The following GRIA2 variants were observed in gnomAD, a reference collection of about 807,000 sequenced individuals.
GRIA2 encodes the protein glutamate ionotropic receptor AMPA type subunit 2, also known as glutamate receptor 2.
In GRIA2, 14 loss-of-function variants were observed where a neutral mutation model predicts 97.3. The observed-to-expected ratio is 0.14, with a 90% CI of 0.10 to 0.23. The LOEUF (loss-of-function observed/expected upper bound fraction) is 0.23. Ranked by LOEUF, GRIA2 falls within the 10% of genes least tolerant of loss-of-function variation. The probability of loss-of-function intolerance (pLI) is 1.00; values close to 1 mark genes in which losing one functional copy is unlikely to be tolerated. For missense variants in GRIA2, 558 were observed against 1,069.8 expected, an observed-to-expected ratio of 0.52 and a Z score of 6.67; for synonymous variants, 412 against 387.8, an observed-to-expected ratio of 1.06 and a Z score of -0.73.
chr4:157,355,900 TAA>T (rs1342409475), intron 12 of GRIA2, among the ~76,000 whole-genome samples: 3 of 3,438 alleles, frequency 8.7e-4, no homozygotes, highest in Non-Finnish European at 1.5e-3. Context: ...TATTTATATA[TAA>T]ATATATATAT....
intron 2 of GRIA2, among the ~76,000 whole-genome samples, chr4:157,294,591 A>G (rs1034854421): frequency 1.3e-5 from 2 of 152,162 alleles, no homozygotes; most frequent in Non-Finnish European, 2.9e-5. Context: ...TAATCCTTGA[A>G]ATTTATTGTA....
At chr4:157,319,771 G>T (rs545134722) in intron 5 of GRIA2, among the ~76,000 whole-genome samples, 24 of 152,154 alleles carry the variant, frequency 1.6e-4, no homozygotes, top group African/African-American at 4.8e-4. Flanking sequence ...TAATATTATT[G>T]ATTAATTTCC....
Position 157,364,687 on chromosome 4 carries a change from A to T in GRIA2, c.*1256A>T, listed in dbSNP as rs2127008975. On this transcript the variant is annotated 3_prime_UTR_variant, in exon 16 of 16. Coordinates refer to ENST00000264426, the MANE Select transcript of GRIA2 (RefSeq NM_001083619.3). Reference sequence around the variant, plus strand: ...GATAGTTGCCCATTGATTAAATTCCAAAAACTAAATATGTTTTTAGCTTTA... The same window carrying T: ...GATAGTTGCCCATTGATTAAATTCCTAAAACTAAATATGTTTTTAGCTTTA... 6.6e-6 allele frequency: 1 copy of T among 152,278 alleles called. No homozygotes were observed. The highest frequency in any genetic ancestry group is 2.4e-5 in the African/African-American group (1 of 41,524). 9.4% of individuals were successfully genotyped at this position (152,278 alleles called of 1,614,324 possible).
At chr4:157,243,403 A>G (rs1431495994) in intron 2 of GRIA2, among the ~76,000 whole-genome samples, 1 of 152,114 alleles carries the variant, frequency 6.6e-6, no homozygotes, top group African/African-American at 2.4e-5. Flanking sequence ...TGGATTTGAA[A>G]GGATTTGGAT....
At chr4:157,297,707 G>T (rs1473294401) in intron 2 of GRIA2, among the ~76,000 whole-genome samples, 4 of 152,064 alleles carry the variant, frequency 2.6e-5, no homozygotes, top group African/African-American at 4.8e-5. Flanking sequence ...TAATCTCTCT[G>T]TGATATTTAA....
At chr4:157,356,813 A>G (rs1385586558) in intron 12 of GRIA2, among the ~76,000 whole-genome samples, 1 of 151,812 alleles carries the variant, frequency 6.6e-6, no homozygotes, top group Non-Finnish European at 1.5e-5. Flanking sequence ...GGATCCGATG[A>G]TTGTAGTGTG....
chr4:157,270,021 A>G (rs748806769), intron 2 of GRIA2, among the ~76,000 whole-genome samples: 1 of 152,096 alleles, frequency 6.6e-6, no homozygotes, highest in South Asian at 2.1e-4. Context: ...TTTTCCATTA[A>G]AAGTGACTTC....
intron 12 of GRIA2, among the ~76,000 whole-genome samples, chr4:157,344,533 A>C (rs1422113712): frequency 1.3e-5 from 2 of 152,076 alleles, no homozygotes; most frequent in East Asian, 1.9e-4. Flanking sequence ...TTACTTTTGG[A>C]GCCAAGACCT....
intron 2 of GRIA2, among the ~76,000 whole-genome samples, chr4:157,265,300 A>G (rs1731720269): frequency 6.6e-6 from 1 of 152,144 alleles, no homozygotes; most frequent in African/African-American, 2.4e-5. Flanking sequence ...ACTCTTACAT[A>G]ACAAACCAGC....
chr4:157,267,839 T>G (rs1293126157), intron 2 of GRIA2, among the ~76,000 whole-genome samples: 1 of 152,104 alleles, frequency 6.6e-6, no homozygotes, highest in Non-Finnish European at 1.5e-5. Context: ...GGACTGAAAT[T>G]GAAACAATCT....
chr4:157,315,765 T>G (rs1032604506), intron 4 of GRIA2, among the ~76,000 whole-genome samples: 1 of 152,138 alleles, frequency 6.6e-6, no homozygotes, highest in African/African-American at 2.4e-5. Context: ...GGTCTCGAAC[T>G]CCTGACCTCA....
intron 2 of GRIA2, among the ~76,000 whole-genome samples, chr4:157,238,191 AAAT>A (rs1288018472): frequency 6.6e-6 from 1 of 152,142 alleles, no homozygotes; most frequent in Non-Finnish European, 1.5e-5. Context: ...CTGGAATACT[AAAT>A]AAAATTCTAG....
At chr4:157,296,293 A>G (rs1031385427) in intron 2 of GRIA2, among the ~76,000 whole-genome samples, 2 of 152,138 alleles carry the variant, frequency 1.3e-5, no homozygotes, top group Admixed American at 6.6e-5. Flanking sequence ...AACAAAGGAT[A>G]AAAATATTGT....
chr4:157,344,751 T>G (rs1355904338), intron 12 of GRIA2, among the ~76,000 whole-genome samples: 1 of 152,084 alleles, frequency 6.6e-6, no homozygotes, highest in Admixed American at 6.6e-5. Context: ...AAGTCAACGG[T>G]TGGTTTTCGT....
chr4:157,273,975 G>A (rs1579322087), intron 2 of GRIA2, among the ~76,000 whole-genome samples: 1 of 151,916 alleles, frequency 6.6e-6, no homozygotes. Context: ...AAACATACAT[G>A]GGAAAAATAT....
chr4:157,334,129 C>T lies in GRIA2; in HGVS notation c.1266+9C>T. 7.7e-7 allele frequency: 1 copy of T among 1,293,800 alleles called. No homozygotes were observed. Among genetic ancestry groups the T allele is most frequent in the South Asian group, 1.2e-5 (1 of 84,546 alleles). 80.1% of individuals were successfully genotyped at this position (1,293,800 alleles called of 1,614,324 possible). A position where few individuals can be genotyped will look rare whatever the true frequency, so the allele number is the denominator to read the frequency against. The stretch of plus-strand genomic sequence containing the variant: ...TTGTCACCACAATTTTGGTAATTTG[C>T]TACATATGCCATGTTTTACTTTGTA... On this transcript the variant is annotated intron_variant, in intron 9 of 15. Coordinates refer to ENST00000264426, the MANE Select transcript of GRIA2 (RefSeq NM_001083619.3).
At chr4:157,265,943 T>G (rs1352990159) in intron 2 of GRIA2, among the ~76,000 whole-genome samples, 1 of 151,928 alleles carries the variant, frequency 6.6e-6, no homozygotes, top group Non-Finnish European at 1.5e-5. Flanking sequence ...ACTAGAAAGG[T>G]AGGTAGGGAT....
At chr4:157,233,533 T>C (rs1446318728) in intron 2 of GRIA2, among the ~76,000 whole-genome samples, 1 of 152,170 alleles carries the variant, frequency 6.6e-6, no homozygotes, top group Non-Finnish European at 1.5e-5. Context: ...ATGTAATTAG[T>C]AACTTTGTGA....
chr4:157,280,654 A>G (rs1732552369), intron 2 of GRIA2, among the ~76,000 whole-genome samples: 1 of 151,904 alleles, frequency 6.6e-6, no homozygotes. Flanking sequence ...CGTGTTTCCC[A>G]AGAAGGCTAG....
Sources: allele counts gnomAD v4.1 joint callset (sites outside exome capture counted in the v4.1 genomes callset), GRCh38; gene constraint gnomAD v4.1.1; transcripts MANE v1.5; gene names NCBI Gene and HGNC (gene_info 2026-07-23, HGNC 2026-07-21).